Variants in MYO1C observed in about 807,000 individuals in gnomAD.
The protein encoded by MYO1C is myosin IC.
In MYO1C, 104 loss-of-function variants were observed where a neutral mutation model predicts 150.8. That is an observed-to-expected ratio of 0.69 (90% CI 0.59 to 0.81). MYO1C has a LOEUF of 0.81. Among genes scored for constraint, MYO1C ranks in the 30% least tolerant of loss-of-function variants. The probability of loss-of-function intolerance (pLI) is 0.00; values close to 1 mark genes in which losing one functional copy is unlikely to be tolerated. For missense variants in MYO1C, 1,504 were observed against 1,435.0 expected, an observed-to-expected ratio of 1.05 and a Z score of -0.78; for synonymous variants, 663 against 579.9, an observed-to-expected ratio of 1.14 and a Z score of -2.06.
rs2074564726 is a variant in MYO1C, at chr17:1,482,927, G to A, written c.480C>T (p.Thr160=). 6.5e-7 allele frequency: 1 copy of A among 1,548,714 alleles called. No individual in the cohort carries two copies. Among genetic ancestry groups the A allele is most frequent in the Non-Finnish European group, 8.7e-7 (1 of 1,143,732 alleles). ...CACCTCCGCGCTCGGGGGCTGGGCA[G>A]GTCTCTGCATAGAACTGCAGCAGCC... ...TKRLLQFYAE[T]CPAPERGGAV... is the part of the protein sequence containing the mutation. Residue 160 remains threonine, a synonymous_variant, in exon 4 of 32, where the codon ACC becomes ACT. Transcript: ENST00000648651.
chr17:1,485,145 G>A (rs2074625410), intron 1 of MYO1C: 1 of 1,206,512 alleles, frequency 8.3e-7, no homozygotes, highest in Non-Finnish European at 1.1e-6. Flanking sequence ...GCTGCCTCTG[G>A]GTCCTACTGG....
chr17:1,465,664 G>A lies in MYO1C; in HGVS notation c.*62C>T. On this transcript the variant is annotated 3_prime_UTR_variant, in exon 32 of 32. Coordinates refer to ENST00000648651, the MANE Select transcript of MYO1C (RefSeq NM_001080779.2). ...CTGGAAGTTCGAGTCTTTGGTAACTGGGAAGGGGAGGAGGAGAAAAGCAAA... is the reference window on the plus strand; with the variant it reads ...CTGGAAGTTCGAGTCTTTGGTAACTAGGAAGGGGAGGAGGAGAAAAGCAAA... 7.6e-7 allele frequency: 1 copy of A among 1,317,444 alleles called. No homozygotes were observed. 81.6% of individuals were successfully genotyped at this position (1,317,444 alleles called of 1,614,324 possible). A position where few individuals can be genotyped will look rare whatever the true frequency, so the allele number is the denominator to read the frequency against.
intron 1 of MYO1C, among the ~76,000 whole-genome samples, chr17:1,484,837 C>T (rs1009401022): frequency 6.6e-6 from 1 of 152,124 alleles, no homozygotes; most frequent in Non-Finnish European, 1.5e-5. Context: ...ACAAATGGCT[C>T]AGGGTCAATT....
In MYO1C at chr17:1,482,966, G is replaced by A. The variant is rs751201105; in HGVS notation, c.441C>T (p.Thr147=). ...ACTGCAGCAGCCTCTTGGTGGCCTC[G>A]GTCTTGCCTGCCCCGCTCTCCCCAG... is the stretch of plus-strand genomic sequence containing the variant. ...MISGESGAGK[T]EATKRLLQFY... The change falls in exon 4 of 32, where the codon ACC becomes ACT. Residue 147 remains threonine (T), a synonymous_variant. Transcript: ENST00000648651. 15 of 1,611,952 alleles carry A rather than the reference G, an allele frequency of 9.3e-6. No homozygotes were observed. Among genetic ancestry groups the A allele is most frequent in the African/African-American group, 6.7e-5 (5 of 74,652 alleles).
At chr17:1,485,213 G>A (rs2074626649) in intron 1 of MYO1C, 1 of 1,177,142 alleles carries the variant, frequency 8.5e-7, no homozygotes, top group Admixed American at 3.9e-5. Flanking sequence ...GGGCTGAGAT[G>A]GATCCCTCTT....
Position 1,480,877 on chromosome 17 carries a change from G to C in MYO1C, c.636C>G (p.Pro212=). The C allele has an allele frequency of 1.9e-6, 3 of 1,613,836 alleles. No individual in the cohort carries two copies. The highest frequency in any genetic ancestry group is 2.5e-6 in the Non-Finnish European group (3 of 1,179,978). ...MDVQFDFKGA[P]VGGHILSYLL... is the part of the protein sequence containing the mutation. ...GGTAACTGAGGATGTGGCCACCCAC[G>C]GGGGCACCCTGTGGGCAGGGCAGGG... Residue 212 remains proline, a synonymous_variant, in exon 6 of 32, where the codon CCC becomes CCG. Coordinates refer to ENST00000648651, the MANE Select transcript of MYO1C (RefSeq NM_001080779.2).
At position 1,479,446 on chromosome 17, in the gene MYO1C, G is replaced by T. The variant is rs762474036; in HGVS notation, c.1077C>A (p.Ile359=). 2 of 1,481,562 alleles carry T rather than the reference G, an allele frequency of 1.3e-6. No individual in the cohort carries two copies. Among genetic ancestry groups the T allele is most frequent in the Non-Finnish European group, 9.2e-7 (1 of 1,087,194 alleles). The allele number at this position is 1,481,562 out of a possible 1,614,324, so 91.8% of individuals were successfully genotyped here. ...CCGGCCTCACCTCCTCCCCCTTGGC[G>T]ATGATCTTCCTGTGTGTCAGGGCTT... ...LREALTHRKI[I]AKGEELLSPL... The change falls in exon 9 of 32, where the codon ATC becomes ATA. Residue 359 remains isoleucine (I), a synonymous_variant. Transcript: ENST00000648651. This position sits in a 1 kb window ranked among gnomAD's most constrained non-coding sequence, Gnocchi z 4.2.
intron 13 of MYO1C, 90 bp from the exon 14 acceptor site, chr17:1,477,686 C>T: frequency 8.9e-7 from 1 of 1,122,082 alleles, no homozygotes; most frequent in Middle Eastern, 2.1e-4. Flanking sequence ...GGCACAGACA[C>T]AGGGGAGGGG....
At position 1,470,269 on chromosome 17, in the gene MYO1C, T is replaced by C. The variant is rs1350163948; in HGVS notation, c.2432A>G (p.His811Arg). The C allele has an allele frequency of 1.9e-6, 3 of 1,568,328 alleles. No individual in the cohort carries two copies. The highest frequency in any genetic ancestry group is 2.4e-5 in the East Asian group (1 of 41,700). ...RCPENAFFLDHVRTSFLLNLR... is the reference protein window; with the variant it reads ...RCPENAFFLDRVRTSFLLNLR... The stretch of plus-strand genomic sequence containing the variant: ...GTTTAGCAAAAAAGAGGTGCGCACA[T>C]GGTCCAGGAAGAAGGCGTTCTCGGG... The change falls in exon 24 of 32, where the codon CAT becomes CGT. Residue 811 changes from histidine (H) to arginine (R), a missense_variant. Coordinates refer to ENST00000648651, the MANE Select transcript of MYO1C (RefSeq NM_001080779.2).
intron 1 of MYO1C, chr17:1,486,867 G>A (rs2074666630): frequency 6.6e-6 from 1 of 152,278 alleles, no homozygotes; most frequent in African/African-American, 2.4e-5. Flanking sequence ...CGGATCTCCG[G>A]GACGCCCCCC....
chr17:1,492,057 C>T (rs1017438475), intron 1 of MYO1C: 1 of 356,520 alleles, frequency 2.8e-6, no homozygotes, highest in South Asian at 2.4e-5. Context: ...CCCAGCCCTG[C>T]GGACTGGAGA....
chr17:1,472,224 G>A lies in MYO1C; in HGVS notation c.1802C>T (p.Ala601Val). The A allele has an allele frequency of 6.2e-7, 1 of 1,614,074 alleles. No homozygotes were observed. Among genetic ancestry groups the A allele is most frequent in the Non-Finnish European group, 8.5e-7 (1 of 1,179,980 alleles). Residue 601 changes from alanine (A) to valine (V), a missense_variant, in exon 18 of 32, where the codon GCC becomes GTC. Ala to Val is a moderately conservative substitution (Grantham distance 64, BLOSUM62 0). Coordinates refer to ENST00000648651, the MANE Select transcript of MYO1C (RefSeq NM_001080779.2). ...CAGGAGGCTCATCTTGAACTGGGTG[G>A]CGACCTGGCGAGCCAAGAGGCATGG... is the stretch of plus-strand genomic sequence containing the variant. ...LSDKKRPETV[A>V]TQFKMSLLQL...
At chr17:1,485,804 C>A in intron 1 of MYO1C, 2 of 721,896 alleles carry the variant, frequency 2.8e-6, no homozygotes, top group Non-Finnish European at 3.4e-6. Flanking sequence ...GGAGGGCCCG[C>A]CCCCCGCACC....
rs770698829 is a variant in MYO1C, at chr17:1,472,214, G to C, written c.1812C>G (p.Phe604Leu). ...KKRPETVATQ[F>L]KMSLLQLVEI... ...CCACCAGCTGCAGGAGGCTCATCTTGAACTGGGTGGCGACCTGGCGAGCCA... is the reference window on the plus strand; with the variant it reads ...CCACCAGCTGCAGGAGGCTCATCTTCAACTGGGTGGCGACCTGGCGAGCCA... Residue 604 changes from phenylalanine (F) to leucine (L), a missense_variant, in exon 18 of 32, where the codon TTC (phenylalanine) becomes TTG (leucine). Physicochemically the swap from Phe to Leu is conservative, Grantham distance 22. Transcript: ENST00000648651. The C allele has an allele frequency of 6.2e-7, 1 of 1,614,118 alleles. No homozygotes were observed. Among genetic ancestry groups the C allele is most frequent in the South Asian group, 1.1e-5 (1 of 91,078 alleles).
At chr17:1,472,277 G>A (rs777321452) in intron 17 of MYO1C, 49 bp from the exon 18 acceptor site, 7 of 1,532,752 alleles carry the variant, frequency 4.6e-6, no homozygotes, top group Middle Eastern at 1.8e-4. Flanking sequence ...GGCTAAAGCT[G>A]CTGACCCCAG....
chr17:1,465,852 G>A, intron 31 of MYO1C, 100 bp from the exon 32 acceptor site: 1 of 874,656 alleles, frequency 1.1e-6, no homozygotes. Flanking sequence ...TTTTTATGGA[G>A]AATGGGGTCT....
Position 1,474,636 on chromosome 17 carries a change from G to A in MYO1C, c.1771C>T (p.Leu591Phe), listed in dbSNP as rs1238682500. The A allele has an allele frequency of 6.2e-7, 1 of 1,613,822 alleles. No individual in the cohort carries two copies. Among genetic ancestry groups the A allele is most frequent in the Non-Finnish European group, 8.5e-7 (1 of 1,179,942 alleles). Residue 591 changes from leucine to phenylalanine, a missense_variant, in exon 17 of 32, where the codon CTC (leucine) becomes TTC (phenylalanine). Transcript: ENST00000648651. Reference protein sequence around the residue: ...IMSQCFDRSELSDKKRPETVA... With the variant: ...IMSQCFDRSEFSDKKRPETVA... ...GTCTCTGGCCGCTTCTTGTCACTGAGCTCGCTCCGGTCAAAGCACTGGCTC... is the reference window on the plus strand; with the variant it reads ...GTCTCTGGCCGCTTCTTGTCACTGAACTCGCTCCGGTCAAAGCACTGGCTC...
Position 1,492,408 on chromosome 17 carries a change from C to A in MYO1C, c.75+5G>T. Reference sequence around the variant, plus strand: ...CTCCTCCCAGCCCAGAGCATCCCAGCTTACAAGCTTGCAGGGCCTGTGGGG... The same window carrying A: ...CTCCTCCCAGCCCAGAGCATCCCAGATTACAAGCTTGCAGGGCCTGTGGGG... On this transcript the variant is annotated splice_donor_5th_base_variant and intron_variant, in intron 1 of 31. Coordinates refer to ENST00000648651, the MANE Select transcript of MYO1C (RefSeq NM_001080779.2). 1 of 1,601,372 alleles carries A rather than the reference C, an allele frequency of 6.2e-7. No homozygotes were observed.
At chr17:1,490,171 ACTC>A (rs2074712430) in intron 1 of MYO1C, among the ~76,000 whole-genome samples, 1 of 150,870 alleles carries the variant, frequency 6.6e-6, no homozygotes. Flanking sequence ...TCCTGCCTCC[ACTC>A]CTCACACCAA....
Sources: gnomAD v4.1 joint callset for allele counts (sites outside exome capture counted in the v4.1 genomes callset) on GRCh38, gnomAD v4.1.1 for gene constraint, Gnocchi (gnomAD v3.1) non-coding constraint, MANE v1.5 for transcripts, NCBI Gene and HGNC (gene_info 2026-07-23, HGNC 2026-07-21) for gene names.